Variants in NCMAP observed in about 807,000 individuals in gnomAD.
NCMAP encodes noncompact myelin-associated protein.
Under a neutral mutation model 7.8 loss-of-function variants are expected in NCMAP, and 8 were observed. That is an observed-to-expected ratio of 1.02 (90% CI 0.60 to 1.84). NCMAP has a LOEUF of 1.84. NCMAP is among the 40% of genes most tolerant of loss of function. The probability of loss-of-function intolerance (pLI) is 0.00; values close to 1 mark genes in which losing one functional copy is unlikely to be tolerated. For synonymous variants in NCMAP, 41 were observed against 52.9 expected (o/e 0.78, Z 0.98); for missense variants, 112 against 131.4 (o/e 0.85, Z 0.72).
chr1:24,592,455 T>C (rs1379961067), intron 1 of NCMAP, among the ~76,000 whole-genome samples: 1 of 152,162 alleles, frequency 6.6e-6, no homozygotes, highest in African/African-American at 2.4e-5. Flanking sequence ...CCACAATATA[T>C]ACAATGTTTA....
chr1:24,558,021 A>C (rs1378276069), intron 1 of NCMAP, among the ~76,000 whole-genome samples: 2 of 152,112 alleles, frequency 1.3e-5, no homozygotes, highest in Admixed American at 6.5e-5. Context: ...AGGTAGAGCC[A>C]CTCTAAGCAA....
rs1015259570 is a variant in NCMAP, at chr1:24,607,491, A to C, written c.*1744A>C. On this transcript the variant is annotated 3_prime_UTR_variant, in exon 4 of 4. Transcript: ENST00000374392. ...ATGGCATCTTGGAAACAAGGTAATA[A>C]ATCTCTATTCTGTTAAAGAAAGTGA... 1 of 152,144 alleles carries C rather than the reference A, an allele frequency of 6.6e-6. No individual in the cohort carries two copies. Among genetic ancestry groups the C allele is most frequent in the Non-Finnish European group, 1.5e-5 (1 of 68,036 alleles). The allele number at this position is 152,144 out of a possible 1,614,324, so 9.4% of individuals were successfully genotyped here.
intron 3 of NCMAP, among the ~76,000 whole-genome samples, chr1:24,604,916 A>T (rs981770671): frequency 6.6e-6 from 1 of 151,570 alleles, no homozygotes; most frequent in Non-Finnish European, 1.5e-5. Flanking sequence ...GGAGTTCGAG[A>T]CCAGCCTGAC....
intron 1 of NCMAP, among the ~76,000 whole-genome samples, chr1:24,556,705 G>A (rs4351586): frequency 0.38 from 57,181 of 151,794 alleles, 11,483 homozygotes; most frequent in African/African-American, 0.51. Context: ...CGCTCATCCA[G>A]CAGCGCTCCT....
rs1227238004 is a variant in NCMAP at position 24,605,765 on chromosome 1, T to C, written c.*18T>C. The C allele has an allele frequency of 6.2e-7, 1 of 1,613,042 alleles. No individual in the cohort carries two copies. Among genetic ancestry groups the C allele is most frequent in the Non-Finnish European group, 8.5e-7 (1 of 1,179,232 alleles). On this transcript the variant is annotated 3_prime_UTR_variant, in exon 4 of 4. Coordinates refer to ENST00000374392, the MANE Select transcript of NCMAP (RefSeq NM_001010980.5). ...CGCGATGACCTCTACCCTGGCGCTA[T>C]CTCCACCACTGTCCAAAGAGCCTCT...
At chr1:24,573,362 C>T (rs540403238) in intron 1 of NCMAP, among the ~76,000 whole-genome samples, 1 of 150,748 alleles carries the variant, frequency 6.6e-6, no homozygotes, top group Admixed American at 6.6e-5. Context: ...AGGCCAAGGT[C>T]GTGGATCACG....
intron 1 of NCMAP, among the ~76,000 whole-genome samples, chr1:24,586,759 C>CAAAAAAAAAAAAAA (rs71577722): frequency 9.3e-6 from 1 of 107,426 alleles, no homozygotes; most frequent in Admixed American, 9.8e-5. Context: ...GACTCCATCT[C>CAAAAAAAAAAAAAA]AAAAAAAAAA....
intron 2 of NCMAP, among the ~76,000 whole-genome samples, chr1:24,596,045 G>A (rs937822546): frequency 6.6e-6 from 1 of 152,104 alleles, no homozygotes; most frequent in Non-Finnish European, 1.5e-5. Context: ...ACTTTGGGAG[G>A]CTGAGGCATG....
At position 24,586,759 on chromosome 1, in the gene NCMAP, CAA is replaced by C. The variant is rs71577722; in HGVS notation, c.-7-8648_-7-8647del. Among the ~76,000 whole-genome samples, 440 of 107,390 alleles carry C rather than the reference CAA, an allele frequency of 4.1e-3. 1 individual carries two copies. The highest frequency in any genetic ancestry group is 0.011 in the African/African-American group (315 of 28,346). The allele number at this position is 107,390 out of a possible 152,430, so 70.5% of individuals were successfully genotyped here. On this transcript the variant is annotated intron_variant, in intron 1 of 3. Coordinates refer to ENST00000374392, the MANE Select transcript of NCMAP (RefSeq NM_001010980.5). ...CCTGGGTAACAGTGAGACTCCATCT[CAA>C]AAAAAAAAAAAAAAAAGCACCTTCA...
At chr1:24,562,036 T>C (rs2148924695) in intron 1 of NCMAP, among the ~76,000 whole-genome samples, 1 of 152,344 alleles carries the variant, frequency 6.6e-6, no homozygotes, top group South Asian at 2.1e-4. Flanking sequence ...GGTTTTTTGT[T>C]TCTTTGCCTT....
chr1:24,577,507 T>G (rs1197669247), intron 1 of NCMAP, among the ~76,000 whole-genome samples: 2 of 145,808 alleles, frequency 1.4e-5, no homozygotes, highest in African/African-American at 5.0e-5. Context: ...GCTCCTGGCC[T>G]CAAGTGATCC....
At position 24,557,074 on chromosome 1, in the gene NCMAP, C is replaced by T. The variant is rs368797393; in HGVS notation, c.-8+905C>T. ...TAATACAGGGTGGGTATATAGTAGG[C>T]ACTCAATGAACATGAGCTATTAATG... On this transcript the variant is annotated intron_variant, in intron 1 of 3. Transcript: ENST00000374392. Among the ~76,000 whole-genome samples the T allele has an allele frequency of 2.6e-5, 4 of 152,160 alleles. No homozygotes were observed. The East Asian group carries it at 7.7e-4, about 29-fold the overall frequency.
chr1:24,574,590 T>A (rs2148928803), intron 1 of NCMAP, among the ~76,000 whole-genome samples: 1 of 152,174 alleles, frequency 6.6e-6, no homozygotes, highest in East Asian at 1.9e-4. Flanking sequence ...CTCTTCTGTA[T>A]CTGTATAACA....
chr1:24,603,192 G>A lies in NCMAP; in HGVS notation c.167+2168G>A, dbSNP rs1216263839. The stretch of plus-strand genomic sequence containing the variant: ...CTCATCTAACAACCGCACGAGGTGG[G>A]TACTACTATTATCCTCAATTTTGTA... On this transcript the variant is annotated intron_variant, in intron 3 of 3. Coordinates refer to ENST00000374392, the MANE Select transcript of NCMAP (RefSeq NM_001010980.5). 2.6e-5 allele frequency among the ~76,000 whole-genome samples: 4 copies of A among 151,880 alleles called. No individual in the cohort carries two copies. In the East Asian group the frequency reaches 7.7e-4, roughly 29 times the overall value.
chr1:24,593,257 G>A (rs555841252), intron 1 of NCMAP, among the ~76,000 whole-genome samples: 1 of 152,134 alleles, frequency 6.6e-6, no homozygotes, highest in South Asian at 2.1e-4. Context: ...ACCAAGGTGG[G>A]AGGATCGCTT....
chr1:24,598,312 T>A (rs903094410), intron 2 of NCMAP, among the ~76,000 whole-genome samples: 1 of 152,106 alleles, frequency 6.6e-6, no homozygotes, highest in Non-Finnish European at 1.5e-5. Context: ...AAAGTGAACA[T>A]ACCTGCGCAA....
At chr1:24,574,350 C>T (rs186787113) in intron 1 of NCMAP, among the ~76,000 whole-genome samples, 1 of 151,360 alleles carries the variant, frequency 6.6e-6, no homozygotes. Flanking sequence ...AACTCCTGAC[C>T]TCAAGTTATC....
chr1:24,583,382 C>A (rs756682573), intron 1 of NCMAP, among the ~76,000 whole-genome samples: 3 of 152,074 alleles, frequency 2.0e-5, no homozygotes, highest in Non-Finnish European at 2.9e-5. Context: ...CCTGGCTGTA[C>A]CTCTTGGGCT....
Position 24,605,875 on chromosome 1 carries a change from A to C in NCMAP, c.*128A>C. ...AGGTCGACAGAGACATCTTTGACGC[A>C]ATCTCTGATGCTTCCAGCAATCCTC... is the stretch of plus-strand genomic sequence containing the variant. On this transcript the variant is annotated 3_prime_UTR_variant, in exon 4 of 4. Transcript: ENST00000374392. The C allele has an allele frequency of 2.7e-6, 3 of 1,098,536 alleles. No homozygotes were observed. The highest frequency in any genetic ancestry group is 3.9e-6 in the Non-Finnish European group (3 of 769,072). 68.0% of individuals were successfully genotyped at this position (1,098,536 alleles called of 1,614,324 possible).
Sources: gnomAD v4.1 joint callset for allele counts (sites outside exome capture counted in the v4.1 genomes callset) on GRCh38, gnomAD v4.1.1 for gene constraint, MANE v1.5 for transcripts, NCBI Gene and HGNC (gene_info 2026-07-23, HGNC 2026-07-21) for gene names.